The following SDK1 variants were observed in gnomAD, a reference collection of about 807,000 sequenced individuals.
The protein encoded by SDK1 is protein sidekick-1.
SDK1 carries 157 observed loss-of-function variants against 245.5 expected under a neutral mutation model. That is an observed-to-expected ratio of 0.64 (90% CI 0.56 to 0.73). The LOEUF (loss-of-function observed/expected upper bound fraction) is 0.73, where lower values mean the gene tolerates loss of function less well. SDK1 is among the 30% of genes least tolerant of loss of function. The pLI, the probability that SDK1 is intolerant of heterozygous loss-of-function variation, is 0.00. For synonymous variants in SDK1, 1,647 were observed against 1,278.5 expected (o/e 1.29, Z -6.15); for missense variants, 3,583 against 3,002.3 (o/e 1.19, Z -4.52).
Position 4,079,596 on chromosome 7 carries a change from G to T in SDK1, c.3324+12G>T, listed in dbSNP as rs190776705. On this transcript the variant is annotated intron_variant, in intron 22 of 44. Coordinates refer to ENST00000404826, the MANE Select transcript of SDK1 (RefSeq NM_152744.4). Reference sequence around the variant, plus strand: ...TTGTTGAGGGGCAGGTACGTGTGTCGTTAGACTGGGAGCTGGCATTTGCGA... The same window carrying T: ...TTGTTGAGGGGCAGGTACGTGTGTCTTTAGACTGGGAGCTGGCATTTGCGA... The T allele has an allele frequency of 1.2e-6, 2 of 1,613,922 alleles. No homozygotes were observed.
At chr7:3,541,698 A>G (rs1031216445) in intron 1 of SDK1, among the ~76,000 whole-genome samples, 19 of 152,204 alleles carry the variant, frequency 1.2e-4, no homozygotes, top group African/African-American at 4.6e-4. Context: ...GCATCTAGGC[A>G]TGTATCTGAC....
chr7:3,590,888 T>A (rs540011964), intron 1 of SDK1, among the ~76,000 whole-genome samples: 1 of 151,042 alleles, frequency 6.6e-6, no homozygotes, highest in African/African-American at 2.4e-5. Flanking sequence ...GCTCAAGCGA[T>A]CCTCCTGCCT....
intron 32 of SDK1, among the ~76,000 whole-genome samples, chr7:4,169,937 G>C (rs1164650431): frequency 6.6e-6 from 1 of 152,166 alleles, no homozygotes; most frequent in African/African-American, 2.4e-5. Flanking sequence ...AAAGCAAACG[G>C]CCATGGAGAA....
At chr7:3,930,764 G>T (rs868015635) in intron 5 of SDK1, among the ~76,000 whole-genome samples, 1 of 152,230 alleles carries the variant, frequency 6.6e-6, no homozygotes, top group Non-Finnish European at 1.5e-5. Flanking sequence ...CTTCACTCCA[G>T]CCTGGGTGAC....
intron 25 of SDK1, among the ~76,000 whole-genome samples, chr7:4,120,648 ACT>A (rs1328597925): frequency 7.9e-6 from 1 of 125,966 alleles, no homozygotes; most frequent in Admixed American, 7.6e-5. Flanking sequence ...GTGGAGTCTC[ACT>A]CTGTCACCTG....
At chr7:3,529,069 G>C (rs1005668898) in intron 1 of SDK1, among the ~76,000 whole-genome samples, 10 of 152,118 alleles carry the variant, frequency 6.6e-5, no homozygotes, top group African/African-American at 2.4e-4. Context: ...AGGGAACTAG[G>C]TTTATCATCA....
chr7:3,702,022 G>T (rs1784756185), intron 4 of SDK1, among the ~76,000 whole-genome samples: 1 of 151,242 alleles, frequency 6.6e-6, no homozygotes, highest in Non-Finnish European at 1.5e-5. Context: ...TGGATTAAGT[G>T]TGAAATGTAA....
At chr7:3,734,101 G>T (rs1002342665) in intron 4 of SDK1, among the ~76,000 whole-genome samples, 1 of 152,192 alleles carries the variant, frequency 6.6e-6, no homozygotes. Context: ...ATGAAGGCTC[G>T]TGGAACACAT....
At chr7:3,509,564 C>T (rs902444004) in intron 1 of SDK1, among the ~76,000 whole-genome samples, 2 of 152,134 alleles carry the variant, frequency 1.3e-5, no homozygotes, top group African/African-American at 4.8e-5. Context: ...TTTACAGTTC[C>T]CAAAGTGAGA....
At chr7:3,370,079 C>A (rs1226540675) in intron 1 of SDK1, among the ~76,000 whole-genome samples, 1 of 152,180 alleles carries the variant, frequency 6.6e-6, no homozygotes, top group Non-Finnish European at 1.5e-5. Flanking sequence ...ATAGTATGAA[C>A]ATCGGCCTAA....
At chr7:4,004,040 C>G (rs77412375) in intron 14 of SDK1, among the ~76,000 whole-genome samples, 1,544 of 152,336 alleles carry the variant, frequency 0.01, 27 homozygotes, top group African/African-American at 0.036. Flanking sequence ...TTCACTCCAT[C>G]CATTTCTCAT....
chr7:3,900,086 C>T (rs1781732531), intron 5 of SDK1, among the ~76,000 whole-genome samples: 2 of 152,150 alleles, frequency 1.3e-5, no homozygotes, highest in African/African-American at 4.8e-5. Flanking sequence ...AGCAGTTTTA[C>T]AAAAAAACCT....
chr7:3,467,913 T>C (rs1301396888), intron 1 of SDK1, among the ~76,000 whole-genome samples: 1 of 152,184 alleles, frequency 6.6e-6, no homozygotes, highest in Non-Finnish European at 1.5e-5. Context: ...AGATCTTTTA[T>C]GTAGTTATTA....
At chr7:4,195,003 C>T (rs1045030269) in intron 35 of SDK1, among the ~76,000 whole-genome samples, 41 of 152,126 alleles carry the variant, frequency 2.7e-4, no homozygotes, top group African/African-American at 9.7e-4. Flanking sequence ...CAGTTCTATC[C>T]TTCTAGACTT....
chr7:4,009,530 C>A (rs980221751), intron 14 of SDK1, among the ~76,000 whole-genome samples: 2 of 152,218 alleles, frequency 1.3e-5, no homozygotes, highest in African/African-American at 2.4e-5. Context: ...AAAGGAGACA[C>A]ACAGAGAGGG....
chr7:3,400,946 C>G (rs1778872811), intron 1 of SDK1, among the ~76,000 whole-genome samples: 1 of 151,158 alleles, frequency 6.6e-6, no homozygotes, highest in African/African-American at 2.4e-5. Flanking sequence ...GCTGGCCGAA[C>G]TCCAGTGTCA....
chr7:4,256,636 G>A (rs750804355), intron 44 of SDK1, among the ~76,000 whole-genome samples: 3 of 152,234 alleles, frequency 2.0e-5, no homozygotes, highest in African/African-American at 4.8e-5. Context: ...AATATAAACC[G>A]AAATGTTGGG....
chr7:3,597,638 G>C (rs558267398), intron 1 of SDK1, among the ~76,000 whole-genome samples: 26 of 152,286 alleles, frequency 1.7e-4, no homozygotes, highest in Middle Eastern at 3.4e-3. Context: ...GTTTGATTAG[G>C]TCGCATTTAG....
chr7:3,677,008 TACCAAGGATTCCTGC>T (rs1409361001), intron 4 of SDK1, among the ~76,000 whole-genome samples: 1 of 152,234 alleles, frequency 6.6e-6, no homozygotes, highest in Non-Finnish European at 1.5e-5. Context: ...TCCCTGGACA[TACCAAGGATTCCTGC>T]ACCTCTTGGC....
Sources: allele counts gnomAD v4.1 joint callset (sites outside exome capture counted in the v4.1 genomes callset), GRCh38; gene constraint gnomAD v4.1.1; transcripts MANE v1.5; gene names NCBI Gene and HGNC (gene_info 2026-07-23, HGNC 2026-07-21).